Variants in ZNF70 observed in about 807,000 individuals in gnomAD.
The protein encoded by ZNF70 is zinc finger protein N27C7-1.
A neutral mutation model predicts 37.7 loss-of-function variants in ZNF70; 18 were observed. The observed-to-expected ratio is 0.48, with a 90% CI of 0.33 to 0.71. The LOEUF (loss-of-function observed/expected upper bound fraction) is 0.71. Among genes scored for constraint, ZNF70 ranks in the 30% least tolerant of loss-of-function variants. ZNF70 has a pLI of 0.02. For missense variants in ZNF70, 506 were observed against 568.6 expected (o/e 0.89, Z 1.12); for synonymous variants, 219 against 220.1 (o/e 0.99, Z 0.05).
At position 23,745,175 on chromosome 22, in the gene ZNF70, C is replaced by G. The variant is rs565269856; in HGVS notation, c.-35G>C. On this transcript the variant is annotated 5_prime_UTR_variant, in exon 2 of 2. Transcript: ENST00000341976. ...GCTATCATCCCCAATGGTTGTATTT[C>G]TTTAAAAATGTTCTTCTTTGGGCCA... 1.3e-6 allele frequency: 2 copies of G among 1,580,902 alleles called. No individual in the cohort carries two copies. The highest frequency in any genetic ancestry group is 2.3e-5 in the South Asian group (2 of 86,226).
intron 1 of ZNF70, among the ~76,000 whole-genome samples, chr22:23,749,934 T>C (rs1166555603): frequency 6.6e-6 from 1 of 152,158 alleles, no homozygotes; most frequent in Non-Finnish European, 1.5e-5. Context: ...CTCCATACTA[T>C]GCGCATCACT....
At chr22:23,749,171 G>A (rs1474302563) in intron 1 of ZNF70, among the ~76,000 whole-genome samples, 1 of 151,510 alleles carries the variant, frequency 6.6e-6, no homozygotes, top group Non-Finnish European at 1.5e-5. Context: ...GACCAGCCTG[G>A]CCAAGATGGT....
rs1441174596 is a variant in ZNF70 at position 23,739,849 on chromosome 22, G to T, written c.*3951C>A. ...CCTGACCTCGTGATCCACCCACCTCGGCCTTCCAAAGTGCTGGGATTACAG... is the reference window on the plus strand; with the variant it reads ...CCTGACCTCGTGATCCACCCACCTCTGCCTTCCAAAGTGCTGGGATTACAG... On this transcript the variant is annotated 3_prime_UTR_variant, in exon 2 of 2. Coordinates refer to ENST00000341976, the MANE Select transcript of ZNF70 (RefSeq NM_021916.4). 1 of 151,570 alleles carries T rather than the reference G, an allele frequency of 6.6e-6. No homozygotes were observed. Among genetic ancestry groups the T allele is most frequent in the Non-Finnish European group, 1.5e-5 (1 of 67,944 alleles). The allele number at this position is 151,570 out of a possible 1,614,324, so 9.4% of individuals were successfully genotyped here.
chr22:23,747,885 C>T (rs1211964348), intron 1 of ZNF70, among the ~76,000 whole-genome samples: 1 of 151,800 alleles, frequency 6.6e-6, no homozygotes, highest in African/African-American at 2.4e-5. Context: ...AGAGCTGCTC[C>T]AGTTGAAGGA....
At position 23,745,155 on chromosome 22, in the gene ZNF70, C is replaced by A. The variant is rs1277511411; in HGVS notation, c.-15G>T. ...GGAACCTCCATTGTGAATCTGCTATCATCCCCAATGGTTGTATTTCTTTAA... is the reference window on the plus strand; with the variant it reads ...GGAACCTCCATTGTGAATCTGCTATAATCCCCAATGGTTGTATTTCTTTAA... On this transcript the variant is annotated 5_prime_UTR_variant, in exon 2 of 2. The change abolishes an upstream ATG in the 5' untranslated region. Coordinates refer to ENST00000341976, the MANE Select transcript of ZNF70 (RefSeq NM_021916.4). 2 of 1,607,078 alleles carry A rather than the reference C, an allele frequency of 1.2e-6. No homozygotes were observed. The highest frequency in any genetic ancestry group is 1.7e-6 in the Non-Finnish European group (2 of 1,175,332).
Position 23,742,395 on chromosome 22 carries a change from C to G in ZNF70, c.*1405G>C, listed in dbSNP as rs1047039698. 6.6e-6 allele frequency: 1 copy of G among 152,290 alleles called. No homozygotes were observed. The highest frequency in any genetic ancestry group is 1.5e-5 in the Non-Finnish European group (1 of 68,082). 9.4% of individuals were successfully genotyped at this position (152,290 alleles called of 1,614,324 possible). A position where few individuals can be genotyped will look rare whatever the true frequency, so the allele number is the denominator to read the frequency against. On this transcript the variant is annotated 3_prime_UTR_variant, in exon 2 of 2. Transcript: ENST00000341976. ...AATGGTACTGTTTAAACAAGCCCCA[C>G]GTGAACTCCTAGTTGGCAGGCGGGG...
intron 1 of ZNF70, among the ~76,000 whole-genome samples, chr22:23,749,062 CTATT>C (rs1348053919): frequency 1.3e-5 from 2 of 151,138 alleles, no homozygotes; most frequent in Non-Finnish European, 2.9e-5. Context: ...AACCCTGTCT[CTATT>C]AAAAATACAA....
At chr22:23,746,412 G>T (rs141512626) in intron 1 of ZNF70, among the ~76,000 whole-genome samples, 1 of 151,758 alleles carries the variant, frequency 6.6e-6, no homozygotes, top group East Asian at 1.9e-4. Flanking sequence ...TCACCATGTT[G>T]GCCAGGCTGG....
intron 1 of ZNF70, among the ~76,000 whole-genome samples, chr22:23,749,584 G>T (rs1409720362): frequency 2.0e-5 from 3 of 147,070 alleles, no homozygotes; most frequent in Admixed American, 6.8e-5. Flanking sequence ...CTACAGGCAC[G>T]TGCCACACCT....
In ZNF70 at chr22:23,744,307, T is replaced by C. The variant is rs373289693; in HGVS notation, c.834A>G (p.Lys278=). ...TCCCACAGAGATCGCACTCGTGAGGTTTCTTTAGGGTGTGGATCTTCCGAT... is the reference window on the plus strand; with the variant it reads ...TCCCACAGAGATCGCACTCGTGAGGCTTCTTTAGGGTGTGGATCTTCCGAT... The part of the protein sequence containing the change: ...SQHRKIHTLK[K]PHECDLCGKA... The change falls in exon 2 of 2, where the codon AAA becomes AAG. Residue 278 remains lysine (K), a synonymous_variant. Coordinates refer to ENST00000341976, the MANE Select transcript of ZNF70 (RefSeq NM_021916.4). 8.7e-6 allele frequency: 14 copies of C among 1,613,142 alleles called. No homozygotes were observed. The highest frequency in any genetic ancestry group is 1.3e-5 in the African/African-American group (1 of 74,572).
At chr22:23,745,532 G>A (rs1925092441) in intron 1 of ZNF70, among the ~76,000 whole-genome samples, 1 of 152,156 alleles carries the variant, frequency 6.6e-6, no homozygotes, top group African/African-American at 2.4e-5. Flanking sequence ...CACTTTGGGA[G>A]GCCGAGGCAG....
In ZNF70 at chr22:23,744,553, G is replaced by C. The variant is rs752317043; in HGVS notation, c.588C>G (p.Tyr196Ter). ...HQIIHTGEKPYECRECGKAFR... is the reference protein window; with the variant it reads ...HQIIHTGEKP Reference sequence around the variant, plus strand: ...AGGCCTTCCCACACTCCCGGCACTCGTAGGGCTTCTCCCCGGTGTGGATGA... The same window carrying C: ...AGGCCTTCCCACACTCCCGGCACTCCTAGGGCTTCTCCCCGGTGTGGATGA... Residue 196 changes from tyrosine to a stop codon, truncating the protein, a stop_gained, in exon 2 of 2, where the codon TAC (tyrosine) becomes TAG (stop). Coordinates refer to ENST00000341976, the MANE Select transcript of ZNF70 (RefSeq NM_021916.4). LOFTEE classifies it high-confidence loss of function. The C allele has an allele frequency of 6.2e-7, 1 of 1,612,884 alleles. No homozygotes were observed. Among genetic ancestry groups the C allele is most frequent in the Non-Finnish European group, 8.5e-7 (1 of 1,179,708 alleles).
In ZNF70 at chr22:23,747,553, C is replaced by T. The variant is rs1401322847; in HGVS notation, c.-79-2334G>A. On this transcript the variant is annotated intron_variant, in intron 1 of 1. Transcript: ENST00000341976. ...CATAAATAAATAAAACAGACAAGTCCGGGCGCGGTGGCTCACACCTGTAAT... is the reference window on the plus strand; with the variant it reads ...CATAAATAAATAAAACAGACAAGTCTGGGCGCGGTGGCTCACACCTGTAAT... Among the ~76,000 whole-genome samples the T allele has an allele frequency of 2.6e-5, 4 of 152,154 alleles. No individual in the cohort carries two copies. In the East Asian group the frequency reaches 5.8e-4, roughly 22 times the overall value.
chr22:23,745,596 C>T (rs781616517), intron 1 of ZNF70, among the ~76,000 whole-genome samples: 10 of 152,232 alleles, frequency 6.6e-5, no homozygotes, highest in African/African-American at 1.2e-4. Flanking sequence ...TGGTGAAACC[C>T]GGTCTCCACT....
chr22:23,746,224 T>G (rs1925118610), intron 1 of ZNF70, among the ~76,000 whole-genome samples: 1 of 144,428 alleles, frequency 6.9e-6, no homozygotes, highest in Non-Finnish European at 1.5e-5. Flanking sequence ...TTTTTTTTTT[T>G]GAGATGGAGT....
chr22:23,744,525 G>C lies in ZNF70; in HGVS notation c.616C>G (p.Arg206Gly), dbSNP rs544696362. The part of the protein sequence containing the change: ...YECRECGKAF[R>G]QSSALTQHQK... ...TGTTGCGTGAGGGCTGAGCTCTGGC[G>C]GAAGGCCTTCCCACACTCCCGGCAC... Residue 206 changes from arginine to glycine, a missense_variant, in exon 2 of 2, where the codon CGC (arginine) becomes GGC (glycine). Physicochemically the swap from Arg to Gly is moderately radical, Grantham distance 125. Transcript: ENST00000341976. 1 of 1,600,990 alleles carries C rather than the reference G, an allele frequency of 6.2e-7. No individual in the cohort carries two copies. The highest frequency in any genetic ancestry group is 1.1e-5 in the South Asian group (1 of 89,262).
In ZNF70 at chr22:23,743,955, A is replaced by T; in HGVS notation, c.1186T>A (p.Cys396Ser). The change falls in exon 2 of 2, where the codon TGT becomes AGT. Residue 396 changes from cysteine (C) to serine (S), a missense_variant. Coordinates refer to ENST00000341976, the MANE Select transcript of ZNF70 (RefSeq NM_021916.4). ...HTGKKPYTCE[C>S]GKAFRHRSAL... Reference sequence around the variant, plus strand: ...GACCGGTGCCGGAAGGCTTTGCCACACTCGCAGGTGTAGGGCTTCTTGCCG... The same window carrying T: ...GACCGGTGCCGGAAGGCTTTGCCACTCTCGCAGGTGTAGGGCTTCTTGCCG... 2 of 1,613,402 alleles carry T rather than the reference A, an allele frequency of 1.2e-6. No individual in the cohort carries two copies. Among genetic ancestry groups the T allele is most frequent in the Non-Finnish European group, 1.7e-6 (2 of 1,179,412 alleles).
chr22:23,744,120 A>C lies in ZNF70; in HGVS notation c.1021T>G (p.Cys341Gly), dbSNP rs774450778. 2.5e-6 allele frequency: 4 copies of C among 1,613,834 alleles called. No individual in the cohort carries two copies. The East Asian group carries it at 8.9e-5, about 36-fold the overall frequency. ...GAGCTCTGGCTGAAGGCTTTCCCAC[A>C]CTTCTGGCATTTGTAGGGCTTCTCG... ...TGEKPYKCQK[C>G]GKAFSQSSSL... The change falls in exon 2 of 2, where the codon TGT becomes GGT. Residue 341 changes from cysteine (C) to glycine (G), a missense_variant. Coordinates refer to ENST00000341976, the MANE Select transcript of ZNF70 (RefSeq NM_021916.4).
In ZNF70 at chr22:23,739,703, A is replaced by T. The variant is rs1924818782; in HGVS notation, c.*4097T>A. 6.6e-6 allele frequency: 1 copy of T among 151,830 alleles called. No homozygotes were observed. Among genetic ancestry groups the T allele is most frequent in the Non-Finnish European group, 1.5e-5 (1 of 68,106 alleles). 9.4% of individuals were successfully genotyped at this position (151,830 alleles called of 1,614,324 possible). A position where few individuals can be genotyped will look rare whatever the true frequency, so the allele number is the denominator to read the frequency against. ...AACCTCCGCCTCCCGGGTTCAAGCG[A>T]TTCTCCTGCCTCAGCCTCCCGTGTA... On this transcript the variant is annotated 3_prime_UTR_variant, in exon 2 of 2. Coordinates refer to ENST00000341976, the MANE Select transcript of ZNF70 (RefSeq NM_021916.4).
Sources: gnomAD v4.1 joint callset for allele counts (sites outside exome capture counted in the v4.1 genomes callset) on GRCh38, gnomAD v4.1.1 for gene constraint, MANE v1.5 for transcripts, NCBI Gene and HGNC (gene_info 2026-07-23, HGNC 2026-07-21) for gene names.